Variants in HS3ST2 observed in about 807,000 individuals in gnomAD.
The protein encoded by HS3ST2 is heparan sulfate-glucosamine 3-sulfotransferase 2.
A neutral mutation model predicts 26.3 loss-of-function variants in HS3ST2; 17 were observed. The observed-to-expected ratio is 0.65, with a 90% CI of 0.44 to 0.97. The LOEUF is 0.97. Among genes scored for constraint, HS3ST2 ranks in the 50% least tolerant of loss-of-function variants. The pLI is 0.00. For missense variants in HS3ST2, 402 were observed against 501.2 expected, an observed-to-expected ratio of 0.80 and a Z score of 1.89; for synonymous variants, 237 against 219.2, an observed-to-expected ratio of 1.08 and a Z score of -0.72.
At chr16:22,831,796 C>T (rs540914028) in intron 1 of HS3ST2, among the ~76,000 whole-genome samples, 6 of 151,998 alleles carry the variant, frequency 3.9e-5, no homozygotes, top group South Asian at 2.1e-4. Context: ...CTTAGGGCAG[C>T]GGGGAGGGGT....
chr16:22,883,811 A>T (rs1902024891), intron 1 of HS3ST2, among the ~76,000 whole-genome samples: 1 of 152,124 alleles, frequency 6.6e-6, no homozygotes. Flanking sequence ...CCAAGGCCAA[A>T]ATTAGGCATT....
intron 1 of HS3ST2, among the ~76,000 whole-genome samples, chr16:22,861,625 GA>G (rs369044076): frequency 1.2e-4 from 19 of 152,234 alleles, no homozygotes; most frequent in African/African-American, 4.1e-4. Flanking sequence ...GTGACTAAAA[GA>G]AACACAATTT....
At chr16:22,857,837 A>C (rs1301103289) in intron 1 of HS3ST2, among the ~76,000 whole-genome samples, 1 of 152,182 alleles carries the variant, frequency 6.6e-6, no homozygotes, top group East Asian at 1.9e-4. Flanking sequence ...TCGCGCAAAC[A>C]CAGGGTGTGA....
At chr16:22,863,018 C>A (rs1567490922) in intron 1 of HS3ST2, among the ~76,000 whole-genome samples, 1 of 152,320 alleles carries the variant, frequency 6.6e-6, no homozygotes, top group East Asian at 1.9e-4. Context: ...CGCTGGGGAC[C>A]ATTCCTCAGC....
intron 1 of HS3ST2, among the ~76,000 whole-genome samples, chr16:22,890,861 G>A (rs17780716): frequency 0.066 from 9,984 of 152,208 alleles, 482 homozygotes; most frequent in Admixed American, 0.12. Flanking sequence ...GCCTTTCCAT[G>A]GATTAAGTAA....
At chr16:22,844,191 G>T (rs778652040) in intron 1 of HS3ST2, among the ~76,000 whole-genome samples, 1 of 152,118 alleles carries the variant, frequency 6.6e-6, no homozygotes, top group Non-Finnish European at 1.5e-5. Flanking sequence ...TGTCCCAGGT[G>T]TGGAAGCCTT....
At chr16:22,868,423 A>AAAAAAC (rs1901786743) in intron 1 of HS3ST2, among the ~76,000 whole-genome samples, 1 of 150,736 alleles carries the variant, frequency 6.6e-6, no homozygotes, top group African/African-American at 2.5e-5. Flanking sequence ...AAAAAAAAAA[A>AAAAAAC]AAAAAAAGTC....
chr16:22,845,668 A>G, intron 1 of HS3ST2, among the ~76,000 whole-genome samples: 1 of 152,084 alleles, frequency 6.6e-6, no homozygotes, highest in East Asian at 1.9e-4. Flanking sequence ...ATATTTTATC[A>G]ATCATTTCTA....
At position 22,814,964 on chromosome 16, in the gene HS3ST2, C is replaced by T. The variant is rs765391585; in HGVS notation, c.354C>T (p.Leu118=). The T allele has an allele frequency of 1.9e-6, 3 of 1,612,674 alleles. No homozygotes were observed. The highest frequency in any genetic ancestry group is 1.1e-5 in the South Asian group (1 of 90,934). The part of the protein sequence containing the change: ...KLGTKRLPQA[L]IVGVKKGGTR... ...GTACCAAGCGGTTGCCCCAAGCCCT[C>T]ATTGTGGGCGTGAAGAAGGGGGGCA... Residue 118 remains leucine (L), a synonymous_variant, in exon 1 of 2, where the codon CTC becomes CTT. Transcript: ENST00000261374.
At chr16:22,886,256 T>A (rs1158134106) in intron 1 of HS3ST2, among the ~76,000 whole-genome samples, 2 of 152,210 alleles carry the variant, frequency 1.3e-5, no homozygotes, top group African/African-American at 4.8e-5. Context: ...ATAAACAAAT[T>A]GAAATATAGC....
At chr16:22,880,465 C>T (rs970730950) in intron 1 of HS3ST2, among the ~76,000 whole-genome samples, 1 of 152,118 alleles carries the variant, frequency 6.6e-6, no homozygotes, top group African/African-American at 2.4e-5. Flanking sequence ...GGGAAAAAAA[C>T]CTTCAGTAAC....
intron 1 of HS3ST2, among the ~76,000 whole-genome samples, chr16:22,857,830 C>A (rs145390704): frequency 6.6e-6 from 1 of 152,262 alleles, no homozygotes; most frequent in African/African-American, 2.4e-5. Flanking sequence ...CTTATGATCG[C>A]GCAAACACAG....
Position 22,823,607 on chromosome 16 carries a change from G to A in HS3ST2, c.485+8512G>A, listed in dbSNP as rs546639049. Among the ~76,000 whole-genome samples, 16 of 128,914 alleles carry A rather than the reference G, an allele frequency of 1.2e-4. No individual in the cohort carries two copies. In the East Asian group the frequency reaches 3.4e-3, roughly 28 times the overall value. 84.6% of individuals were successfully genotyped at this position (128,914 alleles called of 152,430 possible). A position where few individuals can be genotyped will look rare whatever the true frequency, so the allele number is the denominator to read the frequency against. ...GAGACCAGCCTGGGCAACATAGGGA[G>A]ACCTCTTCTCTAAAAAAAAAAAAAA... On this transcript the variant is annotated intron_variant, in intron 1 of 1. Coordinates refer to ENST00000261374, the MANE Select transcript of HS3ST2 (RefSeq NM_006043.2).
chr16:22,826,214 C>T (rs933177384), intron 1 of HS3ST2, among the ~76,000 whole-genome samples: 7 of 152,076 alleles, frequency 4.6e-5, no homozygotes, highest in African/African-American at 1.7e-4. Context: ...AAGCTCCCAG[C>T]ATTTGTGGGG....
chr16:22,826,659 C>A (rs566875206), intron 1 of HS3ST2, among the ~76,000 whole-genome samples: 2 of 152,120 alleles, frequency 1.3e-5, no homozygotes, highest in Non-Finnish European at 2.9e-5. Context: ...AATAAATATG[C>A]GTTGAGTGAA....
intron 1 of HS3ST2, among the ~76,000 whole-genome samples, chr16:22,890,874 G>C (rs567372973): frequency 5.3e-5 from 8 of 152,308 alleles, no homozygotes; most frequent in Non-Finnish European, 1.0e-4. Flanking sequence ...TTAAGTAAAA[G>C]TTAGCCTTAA....
chr16:22,826,659 C>G (rs566875206), intron 1 of HS3ST2, among the ~76,000 whole-genome samples: 1 of 152,120 alleles, frequency 6.6e-6, no homozygotes, highest in African/African-American at 2.4e-5. Flanking sequence ...AATAAATATG[C>G]GTTGAGTGAA....
chr16:22,913,114 AG>A (rs1902443683), intron 1 of HS3ST2, among the ~76,000 whole-genome samples: 7 of 113,804 alleles, frequency 6.2e-5, no homozygotes, highest in Non-Finnish European at 9.5e-5. Context: ...AGAAAGAAAG[AG>A]AAGAAAGAAA....
intron 1 of HS3ST2, among the ~76,000 whole-genome samples, chr16:22,900,322 T>C (rs970370542): frequency 6.6e-6 from 1 of 152,176 alleles, no homozygotes; most frequent in African/African-American, 2.4e-5. Flanking sequence ...ACCATCACTG[T>C]CCCCATGTGC....
Sources: allele counts gnomAD v4.1 joint callset (sites outside exome capture counted in the v4.1 genomes callset), GRCh38; gene constraint gnomAD v4.1.1; transcripts MANE v1.5; gene names NCBI Gene and HGNC (gene_info 2026-07-23, HGNC 2026-07-21).